The following RTCA variants were observed in gnomAD, a reference collection of about 807,000 sequenced individuals.
RTCA encodes RNA terminal phosphate cyclase domain 1.
A neutral mutation model predicts 46.1 loss-of-function variants in RTCA; 37 were observed. The observed-to-expected ratio is 0.80, with a 90% CI of 0.62 to 1.06. The LOEUF is 1.06. Ranked by LOEUF, RTCA falls within the 50% of genes least tolerant of loss-of-function variation. RTCA has a pLI of 0.00. For missense variants in RTCA, 435 were observed against 455.5 expected (o/e 0.95, Z 0.41); for synonymous variants, 164 against 158.3 (o/e 1.04, Z -0.27).
At chr1:100,266,784 G>A in intron 2 of RTCA, 160 bp downstream of exon 2, 1 of 616,912 alleles carries the variant, frequency 1.6e-6, no homozygotes, top group Non-Finnish European at 2.9e-6. Flanking sequence ...CGGTGGCCTG[G>A]GTTGTAAAGT....
chr1:100,277,351 G>T (rs371554703), intron 8 of RTCA, 35 bp downstream of exon 8: 13 of 1,542,934 alleles, frequency 8.4e-6, no homozygotes, highest in Admixed American at 2.0e-5. Flanking sequence ...AGTTCCCAAT[G>T]CTACTGCAGA....
intron 8 of RTCA, among the ~76,000 whole-genome samples, chr1:100,278,434 G>A (rs903383459): frequency 7.2e-5 from 11 of 152,124 alleles, no homozygotes; most frequent in African/African-American, 2.4e-4. Context: ...AGTTGTTTGC[G>A]TGGTCATTGA....
chr1:100,270,798 C>T, intron 4 of RTCA, 118 bp downstream of exon 4: 3 of 1,203,948 alleles, frequency 2.5e-6, no homozygotes, highest in East Asian at 2.4e-5. Context: ...TTCATGGTGT[C>T]TTTTCTTTCT....
In RTCA at chr1:100,292,206, G is replaced by A. The variant is rs1477558118; in HGVS notation, c.*702G>A. 1 of 148,758 alleles carries A rather than the reference G, an allele frequency of 6.7e-6. No homozygotes were observed. Among genetic ancestry groups the A allele is most frequent in the Non-Finnish European group, 1.5e-5 (1 of 67,084 alleles). The allele number at this position is 148,758 out of a possible 1,614,324, so 9.2% of individuals were successfully genotyped here. On this transcript the variant is annotated 3_prime_UTR_variant, in exon 11 of 11. Coordinates refer to ENST00000370128, the MANE Select transcript of RTCA (RefSeq NM_003729.4). ...GTGGTGGGATTACAGGCGTGAGCCAGTGCACCCGGCAACAATAACATTTAA... is the reference window on the plus strand; with the variant it reads ...GTGGTGGGATTACAGGCGTGAGCCAATGCACCCGGCAACAATAACATTTAA...
At chr1:100,278,549 T>C (rs4268370) in intron 8 of RTCA, among the ~76,000 whole-genome samples, 117,420 of 152,058 alleles carry the variant, frequency 0.77, 47,279 homozygotes, top group East Asian at 0.95. Flanking sequence ...GTGGGAGGAT[T>C]ACTGAGACCA....
At chr1:100,276,192 A>T (rs1666366350) in intron 7 of RTCA, among the ~76,000 whole-genome samples, 1 of 152,072 alleles carries the variant, frequency 6.6e-6, no homozygotes, top group African/African-American at 2.4e-5. Flanking sequence ...AAATTAAGAC[A>T]ATTATTCTGA....
chr1:100,290,788 C>G (rs1052692759), intron 10 of RTCA, among the ~76,000 whole-genome samples: 3 of 151,956 alleles, frequency 2.0e-5, no homozygotes, highest in Non-Finnish European at 2.9e-5. Context: ...AAAACAAAAG[C>G]AAAATACAAT....
At chr1:100,287,272 T>C in intron 10 of RTCA, 69 bp downstream of exon 10, 1 of 1,121,340 alleles carries the variant, frequency 8.9e-7, no homozygotes, top group Non-Finnish European at 1.3e-6. Context: ...GGTTAAATTT[T>C]AATAGGAAAC....
At chr1:100,286,469 A>C (rs950731815) in intron 9 of RTCA, among the ~76,000 whole-genome samples, 13 of 150,898 alleles carry the variant, frequency 8.6e-5, no homozygotes, top group African/African-American at 2.5e-4. Flanking sequence ...AAAAAAAAAA[A>C]AAAAAAACGA....
chr1:100,278,340 TAG>T (rs1158146494), intron 8 of RTCA, among the ~76,000 whole-genome samples: 4 of 152,212 alleles, frequency 2.6e-5, no homozygotes, highest in African/African-American at 9.7e-5. Context: ...TTTGGTATAT[TAG>T]AGAGAGAAGA....
chr1:100,274,797 T>C, intron 5 of RTCA, 27 bp from the exon 6 acceptor site: 1 of 1,589,624 alleles, frequency 6.3e-7, no homozygotes. Flanking sequence ...AATCAGTTTA[T>C]GTGGGCATTT....
chr1:100,274,379 G>A (rs1666258211), intron 5 of RTCA, among the ~76,000 whole-genome samples: 1 of 152,192 alleles, frequency 6.6e-6, no homozygotes, highest in Admixed American at 6.5e-5. Flanking sequence ...CCTACCATGT[G>A]CCAGACATTG....
chr1:100,271,530 A>G (rs1666094291), intron 4 of RTCA, among the ~76,000 whole-genome samples: 1 of 152,200 alleles, frequency 6.6e-6, no homozygotes, highest in Non-Finnish European at 1.5e-5. Flanking sequence ...TTATTTTATA[A>G]ATACAAGGAT....
intron 4 of RTCA, among the ~76,000 whole-genome samples, chr1:100,272,136 T>C (rs1202844241): frequency 1.3e-5 from 2 of 152,266 alleles, no homozygotes; most frequent in Non-Finnish European, 2.9e-5. Flanking sequence ...AACATTCATA[T>C]ACAAGTTTTT....
chr1:100,286,999 A>G lies in RTCA; in HGVS notation c.895-100A>G, dbSNP rs569819106. ...AAGAAATAGAAATTCTGTTTTAGCA[A>G]TTTTTATTTCTAGTAGTATTTTTAT... On this transcript the variant is annotated intron_variant, in intron 9 of 10. Transcript: ENST00000370128. The G allele has an allele frequency of 1.2e-5, 9 of 779,676 alleles. No individual in the cohort carries two copies. In the East Asian group the frequency reaches 2.9e-4, roughly 25 times the overall value. 48.3% of individuals were successfully genotyped at this position (779,676 alleles called of 1,614,324 possible).
At chr1:100,279,284 G>A (rs1666560365) in intron 8 of RTCA, among the ~76,000 whole-genome samples, 1 of 152,134 alleles carries the variant, frequency 6.6e-6, no homozygotes, top group Non-Finnish European at 1.5e-5. Flanking sequence ...TCTGGCAGAG[G>A]AAACAGACCA....
At chr1:100,281,876 C>T (rs112851329) in intron 8 of RTCA, among the ~76,000 whole-genome samples, 3,004 of 152,144 alleles carry the variant, frequency 0.02, 42 homozygotes, top group Middle Eastern at 0.034. Context: ...GCCACCATGC[C>T]GGCTAATTTT....
chr1:100,275,162 T>C (rs1343681204), intron 6 of RTCA, among the ~76,000 whole-genome samples, 197 bp downstream of exon 6: 1 of 152,190 alleles, frequency 6.6e-6, no homozygotes, highest in African/African-American at 2.4e-5. Context: ...AAATACCACA[T>C]GTTCTCATAA....
chr1:100,279,121 C>T (rs992995477), intron 8 of RTCA, among the ~76,000 whole-genome samples: 2 of 152,112 alleles, frequency 1.3e-5, no homozygotes, highest in Admixed American at 1.3e-4. Flanking sequence ...AAATATAAAA[C>T]GGAGACTAGG....
Sources: gnomAD v4.1 joint callset for allele counts (sites outside exome capture counted in the v4.1 genomes callset) on GRCh38, gnomAD v4.1.1 for gene constraint, MANE v1.5 for transcripts, NCBI Gene and HGNC (gene_info 2026-07-23, HGNC 2026-07-21) for gene names.